The following RXFP1 variants were observed in gnomAD, a reference collection of about 807,000 sequenced individuals.
RXFP1 encodes the protein relaxin receptor 1.
A neutral mutation model predicts 89.8 loss-of-function variants in RXFP1; 73 were observed. The ratio of observed to expected loss-of-function variants is 0.81; its 90% CI spans 0.67 to 0.99. RXFP1 has a LOEUF of 0.99. RXFP1 is among the 50% of genes least tolerant of loss of function. RXFP1 has a pLI of 0.00. For missense variants in RXFP1, 793 were observed against 895.5 expected, an observed-to-expected ratio of 0.89 and a Z score of 1.46; for synonymous variants, 277 against 305.5, an observed-to-expected ratio of 0.91 and a Z score of 0.97.
intron 1 of RXFP1, among the ~76,000 whole-genome samples, chr4:158,534,245 A>AT (rs70962614): frequency 0.015 from 2,101 of 137,610 alleles, 57 homozygotes; most frequent in African/African-American, 0.053. Flanking sequence ...TGATATTCTG[A>AT]TTTTTTTTTT....
At chr4:158,542,161 A>T (rs1385897961) in intron 1 of RXFP1, among the ~76,000 whole-genome samples, 2 of 141,664 alleles carry the variant, frequency 1.4e-5, no homozygotes, top group Non-Finnish European at 3.0e-5. Context: ...GCTGGTCTCG[A>T]ACTCCTGACC....
Position 158,652,139 on chromosome 4 carries a change from A to C in RXFP1, c.*84A>C, listed in dbSNP as rs1341547251. 9.0e-7 allele frequency: 1 copy of C among 1,107,610 alleles called. No homozygotes were observed. The highest frequency in any genetic ancestry group is 1.3e-6 in the Non-Finnish European group (1 of 788,878). 68.6% of individuals were successfully genotyped at this position (1,107,610 alleles called of 1,614,324 possible). A position where few individuals can be genotyped will look rare whatever the true frequency, so the allele number is the denominator to read the frequency against. On this transcript the variant is annotated 3_prime_UTR_variant, in exon 18 of 18. Transcript: ENST00000307765. The stretch of plus-strand genomic sequence containing the variant: ...TACTGGTATGAAATGAATACCACAA[A>C]ATTAATTTATAATAATAGCTAAGAT...
At chr4:158,549,501 C>T (rs967447407) in intron 1 of RXFP1, among the ~76,000 whole-genome samples, 10 of 152,188 alleles carry the variant, frequency 6.6e-5, no homozygotes, top group Admixed American at 1.3e-4. Context: ...TGAGGAGCTG[C>T]GTTCCTTTGG....
intron 1 of RXFP1, among the ~76,000 whole-genome samples, chr4:158,549,659 C>T (rs538123466): frequency 1.3e-3 from 204 of 152,284 alleles, no homozygotes; most frequent in Non-Finnish European, 2.4e-3. Flanking sequence ...TGTTAGTTTT[C>T]CTTCTAACAG....
At chr4:158,636,190 A>C (rs1037592112) in intron 12 of RXFP1, among the ~76,000 whole-genome samples, 26 of 152,272 alleles carry the variant, frequency 1.7e-4, no homozygotes, top group African/African-American at 4.6e-4. Context: ...CAGGAGTTTG[A>C]GTACAGCCTG....
intron 2 of RXFP1, among the ~76,000 whole-genome samples, chr4:158,580,941 G>T (rs1048262667): frequency 5.9e-5 from 9 of 152,066 alleles, no homozygotes; most frequent in Admixed American, 4.6e-4. Context: ...GGTATTACAG[G>T]CACCTGCCAC....
chr4:158,632,420 T>C (rs955004235), intron 11 of RXFP1, among the ~76,000 whole-genome samples: 1 of 152,194 alleles, frequency 6.6e-6, no homozygotes, highest in African/African-American at 2.4e-5. Flanking sequence ...GCAACAAATA[T>C]GATTTGGAGA....
Position 158,605,141 on chromosome 4 carries a change from TA to T in RXFP1, c.464+4del. The T allele has an allele frequency of 6.4e-7, 1 of 1,566,766 alleles. No homozygotes were observed. The highest frequency in any genetic ancestry group is 1.2e-5 in the South Asian group (1 of 86,036). On this transcript the variant is annotated splice_donor_region_variant and intron_variant, in intron 5 of 17. Transcript: ENST00000307765. ...GAATTATCATGATCTTCAGAAGCTGTAAGAAAATACTTAATTCCTGGTATTA... is the reference window on the plus strand; with the variant it reads ...GAATTATCATGATCTTCAGAAGCTGTAGAAAATACTTAATTCCTGGTATTA...
At chr4:158,546,173 G>C (rs550185878) in intron 1 of RXFP1, among the ~76,000 whole-genome samples, 8 of 152,014 alleles carry the variant, frequency 5.3e-5, no homozygotes, top group Non-Finnish European at 1.0e-4. Flanking sequence ...CACATCCCTT[G>C]TAAGTTGGAT....
chr4:158,650,167 A>C (rs1431572282), intron 17 of RXFP1, among the ~76,000 whole-genome samples: 1 of 152,194 alleles, frequency 6.6e-6, no homozygotes, highest in African/African-American at 2.4e-5. Flanking sequence ...TTTCACTTAC[A>C]TGACGTTTCT....
chr4:158,532,807 T>C (rs1744384446), intron 1 of RXFP1, among the ~76,000 whole-genome samples: 2 of 152,196 alleles, frequency 1.3e-5, no homozygotes, highest in African/African-American at 4.8e-5. Flanking sequence ...ACAAAGGCCC[T>C]GTGTCTAGCT....
intron 1 of RXFP1, among the ~76,000 whole-genome samples, chr4:158,524,785 GTTC>G (rs1742073060): frequency 6.6e-6 from 1 of 152,110 alleles, no homozygotes; most frequent in African/African-American, 2.4e-5. Flanking sequence ...TGTATTATAA[GTTC>G]TTATCAGAAA....
At chr4:158,628,522 T>C (rs1767372457) in intron 10 of RXFP1, 116 bp from the exon 11 acceptor site, 2 of 438,960 alleles carry the variant, frequency 4.6e-6, no homozygotes, top group Non-Finnish European at 8.3e-6. Context: ...AAAATGTCTT[T>C]ATGTGAAAAA....
chr4:158,539,275 G>A (rs962231728), intron 1 of RXFP1, among the ~76,000 whole-genome samples: 2 of 152,114 alleles, frequency 1.3e-5, no homozygotes, highest in African/African-American at 2.4e-5. Context: ...GGTGGGAATT[G>A]AACAATGAGA....
chr4:158,602,295 T>C (rs1359379713), intron 4 of RXFP1, among the ~76,000 whole-genome samples: 1 of 152,216 alleles, frequency 6.6e-6, no homozygotes, highest in African/African-American at 2.4e-5. Flanking sequence ...GTAACATTAC[T>C]TAGAGGTCTT....
At position 158,609,324 on chromosome 4, in the gene RXFP1, CCAA is replaced by C. The variant is rs146063740; in HGVS notation, c.536+1283_536+1285del. Reference sequence around the variant, plus strand: ...GAGTTCCGATTTCTCCACATCCTCACCAACGTTTGTGTTCTCGTTTCATTTGTT... The same window carrying C: ...GAGTTCCGATTTCTCCACATCCTCACCGTTTGTGTTCTCGTTTCATTTGTT... On this transcript the variant is annotated intron_variant, in intron 6 of 17. Coordinates refer to ENST00000307765, the MANE Select transcript of RXFP1 (RefSeq NM_021634.4). Among the ~76,000 whole-genome samples the C allele has an allele frequency of 4.9e-3, 753 of 152,300 alleles. 4 individuals carry two copies. The highest frequency in any genetic ancestry group is 8.5e-3 in the Non-Finnish European group (579 of 68,008).
At chr4:158,607,095 C>G (rs372522432) in intron 5 of RXFP1, 202 of 1,535,988 alleles carry the variant, frequency 1.3e-4, no homozygotes, top group Middle Eastern at 1.7e-4. Flanking sequence ...ATGAAGGCAG[C>G]CTTGAAATCC....
intron 1 of RXFP1, among the ~76,000 whole-genome samples, chr4:158,530,887 T>G (rs568225539): frequency 6.6e-6 from 1 of 152,326 alleles, no homozygotes; most frequent in Admixed American, 6.5e-5. Context: ...CATTTGTCTA[T>G]CAAATCCATT....
intron 9 of RXFP1, among the ~76,000 whole-genome samples, chr4:158,626,524 A>T (rs966585100): frequency 9.2e-5 from 14 of 152,128 alleles, no homozygotes; most frequent in Non-Finnish European, 1.3e-4. Context: ...TGTTTATCAT[A>T]ACAAATGTTT....
Sources: allele counts gnomAD v4.1 joint callset (sites outside exome capture counted in the v4.1 genomes callset), GRCh38; gene constraint gnomAD v4.1.1; transcripts MANE v1.5; gene names NCBI Gene and HGNC (gene_info 2026-07-23, HGNC 2026-07-21).